SHISA9: variants seen among roughly 807,000 people sequenced by gnomAD.
SHISA9 encodes the protein shisa family member 9, also known as protein shisa-9.
In SHISA9, 13 loss-of-function variants were observed where a neutral mutation model predicts 38.0. The observed-to-expected ratio is 0.34, with a 90% CI of 0.22 to 0.54. The LOEUF (loss-of-function observed/expected upper bound fraction) is 0.54, where lower values mean the gene tolerates loss of function less well. Ranked by LOEUF, SHISA9 falls within the 20% of genes least tolerant of loss-of-function variation. The pLI, the probability that SHISA9 is intolerant of heterozygous loss-of-function variation, is 0.91. For synonymous variants in SHISA9, 275 were observed against 242.0 expected (o/e 1.14, Z -1.27); for missense variants, 538 against 575.8 (o/e 0.93, Z 0.67).
chr16:12,969,290 G>T (rs2072022987), intron 2 of SHISA9, among the ~76,000 whole-genome samples: 1 of 151,980 alleles, frequency 6.6e-6, no homozygotes, highest in Non-Finnish European at 1.5e-5. Context: ...GTCACCCTGG[G>T]TGGAGGGTGG....
chr16:13,063,384 A>T (rs527738208), intron 2 of SHISA9, among the ~76,000 whole-genome samples: 2 of 152,128 alleles, frequency 1.3e-5, no homozygotes, highest in African/African-American at 4.8e-5. Flanking sequence ...GGAAAAAAAA[A>T]ACAAAATCCA....
intron 2 of SHISA9, among the ~76,000 whole-genome samples, chr16:12,939,621 T>G (rs60594329): frequency 6.6e-6 from 1 of 152,234 alleles, no homozygotes; most frequent in Non-Finnish European, 1.5e-5. Flanking sequence ...AGTGGCTATG[T>G]TGGGATTTGA....
the SHISA9 span, among the ~76,000 whole-genome samples, chr16:13,317,496 C>A: frequency 6.6e-6 from 1 of 152,090 alleles, no homozygotes; most frequent in South Asian, 2.1e-4. Context: ...TACATGTGCA[C>A]AACATGCAGG....
intron 2 of SHISA9, among the ~76,000 whole-genome samples, chr16:13,078,727 C>A (rs549360100): frequency 1.3e-4 from 20 of 152,144 alleles, no homozygotes; most frequent in African/African-American, 4.1e-4. Flanking sequence ...ATTTTTGATT[C>A]CAAGTTGGTT....
intron 2 of SHISA9, among the ~76,000 whole-genome samples, chr16:12,970,370 CAT>C (rs1254256597): frequency 0.013 from 721 of 55,674 alleles, 17 homozygotes; most frequent in African/African-American, 0.052. Flanking sequence ...TATATATATA[CAT>C]ATATATATAC....
chr16:13,074,639 T>G (rs534698592), intron 2 of SHISA9, among the ~76,000 whole-genome samples: 1 of 152,012 alleles, frequency 6.6e-6, no homozygotes, highest in Non-Finnish European at 1.5e-5. Context: ...TACTATTATT[T>G]TTTTCTTTTC....
chr16:13,365,763 A>G, the SHISA9 span, among the ~76,000 whole-genome samples: 1 of 152,096 alleles, frequency 6.6e-6, no homozygotes, highest in African/African-American at 2.4e-5. Flanking sequence ...CTGGCCCCAG[A>G]GAGTATACTT....
chr16:13,396,351 A>G, the SHISA9 span, among the ~76,000 whole-genome samples: 2 of 152,226 alleles, frequency 1.3e-5, no homozygotes, highest in African/African-American at 4.8e-5. Context: ...TACTAAAAAT[A>G]CACAAATTAA....
intron 2 of SHISA9, among the ~76,000 whole-genome samples, chr16:13,023,877 C>A (rs1244336137): frequency 6.6e-6 from 1 of 152,110 alleles, no homozygotes; most frequent in Admixed American, 6.6e-5. Flanking sequence ...ATGGTCATAT[C>A]TTTCAGAGGG....
At chr16:13,040,488 C>A (rs2073121153) in intron 2 of SHISA9, among the ~76,000 whole-genome samples, 2 of 152,228 alleles carry the variant, frequency 1.3e-5, no homozygotes, top group Admixed American at 6.5e-5. Context: ...CAGTCTCTTT[C>A]TTTTGCATTT....
chr16:13,378,477 C>G, the SHISA9 span, among the ~76,000 whole-genome samples: 1 of 152,166 alleles, frequency 6.6e-6, no homozygotes, highest in Non-Finnish European at 1.5e-5. Context: ...TTGTGTCCAT[C>G]TCTGAAATAG....
At chr16:13,522,188 AT>A in the SHISA9 span, among the ~76,000 whole-genome samples, 1 of 152,126 alleles carries the variant, frequency 6.6e-6, no homozygotes, top group East Asian at 1.9e-4. Context: ...TCTGTGTGAG[AT>A]TTCCCCTTTT....
the SHISA9 span, among the ~76,000 whole-genome samples, chr16:13,312,657 A>C: frequency 4.0e-4 from 61 of 152,222 alleles, no homozygotes; most frequent in Non-Finnish European, 8.2e-4. Flanking sequence ...TGATTACAAT[A>C]GCAAATAATT....
chr16:13,347,568 C>A, the SHISA9 span, among the ~76,000 whole-genome samples: 1 of 152,108 alleles, frequency 6.6e-6, no homozygotes, highest in Non-Finnish European at 1.5e-5. Flanking sequence ...TTCAAAAGAG[C>A]ACTGCATTTC....
intron 2 of SHISA9, among the ~76,000 whole-genome samples, chr16:12,953,520 A>G (rs2071788026): frequency 6.6e-6 from 1 of 152,196 alleles, no homozygotes; most frequent in Admixed American, 6.5e-5. Context: ...TGATTGATTG[A>G]ATATTTGATT....
At chr16:13,503,753 A>G in the SHISA9 span, among the ~76,000 whole-genome samples, 1 of 152,196 alleles carries the variant, frequency 6.6e-6, no homozygotes, top group African/African-American at 2.4e-5. Context: ...ATGGAAAGTC[A>G]TTGAAGATTT....
chr16:12,975,228 T>A lies in SHISA9; in HGVS notation c.691+58413T>A, dbSNP rs994343348. On this transcript the variant is annotated intron_variant, in intron 2 of 4. Coordinates refer to ENST00000558583, the MANE Select transcript of SHISA9 (RefSeq NM_001145204.3). ...CTATTATGTTCACATAATCAAAGTG[T>A]TGGGGAGGGCGTTCAAGAATAGGGT... Among the ~76,000 whole-genome samples, 4 of 151,982 alleles carry A rather than the reference T, an allele frequency of 2.6e-5. No homozygotes were observed. In the East Asian group the frequency reaches 7.7e-4, roughly 29 times the overall value.
the SHISA9 span, among the ~76,000 whole-genome samples, chr16:13,367,712 G>GCGCGCGCACGCGCACACACA: frequency 2.9e-5 from 3 of 104,640 alleles, no homozygotes; most frequent in African/African-American, 1.0e-4. Context: ...GCGCGCGCGC[G>GCGCGCGCACGCGCACACACA]CACACACACA....
the SHISA9 span, among the ~76,000 whole-genome samples, chr16:13,336,127 G>T: frequency 6.6e-6 from 1 of 152,176 alleles, no homozygotes; most frequent in Non-Finnish European, 1.5e-5. Context: ...GGAGCTAGTG[G>T]AAAGGTCACG....
Sources: gnomAD v4.1 joint callset for allele counts (sites outside exome capture counted in the v4.1 genomes callset) on GRCh38, gnomAD v4.1.1 for gene constraint, MANE v1.5 for transcripts, NCBI Gene and HGNC (gene_info 2026-07-23, HGNC 2026-07-21) for gene names.